DLC1: variants seen among roughly 807,000 people sequenced by gnomAD.
DLC1 encodes the protein DLC1 Rho GTPase activating protein.
DLC1 carries 54 observed loss-of-function variants against 140.3 expected under a neutral mutation model. The ratio of observed to expected loss-of-function variants is 0.38; its 90% CI spans 0.31 to 0.48. DLC1 has a LOEUF of 0.48. DLC1 is among the 20% of genes least tolerant of loss of function. The pLI is 0.96. For missense variants in DLC1, 2,536 were observed against 1,907.0 expected, an observed-to-expected ratio of 1.33 and a Z score of -6.14; for synonymous variants, 986 against 728.1, an observed-to-expected ratio of 1.35 and a Z score of -5.70.
intron 5 of DLC1, among the ~76,000 whole-genome samples, chr8:13,290,582 A>G (rs545549823): frequency 6.6e-6 from 1 of 152,284 alleles, no homozygotes; most frequent in South Asian, 2.1e-4. Context: ...ATTATATAGT[A>G]GGGGAAAAAT....
chr8:13,120,550 G>T (rs993578273), intron 5 of DLC1, among the ~76,000 whole-genome samples: 5 of 151,392 alleles, frequency 3.3e-5, no homozygotes, highest in Non-Finnish European at 7.4e-5. Context: ...AATGTATGTG[G>T]GTGGTGATGT....
chr8:13,441,762 A>G (rs1798520045), intron 2 of DLC1, among the ~76,000 whole-genome samples: 1 of 152,170 alleles, frequency 6.6e-6, no homozygotes, highest in Non-Finnish European at 1.5e-5. Context: ...AGGAATCAAT[A>G]TCGTGAACAT....
chr8:13,286,090 A>G (rs1025143183), intron 5 of DLC1, among the ~76,000 whole-genome samples: 1 of 152,242 alleles, frequency 6.6e-6, no homozygotes. Context: ...AAACAATCCA[A>G]TTGAAAAATC....
At chr8:13,128,768 G>A (rs1256017289) in intron 5 of DLC1, among the ~76,000 whole-genome samples, 3 of 151,800 alleles carry the variant, frequency 2.0e-5, no homozygotes, top group Non-Finnish European at 2.9e-5. Flanking sequence ...CCGGGAGGCG[G>A]AGCTTGCAGT....
At chr8:13,276,667 T>G in intron 5 of DLC1, 1 of 1,075,956 alleles carries the variant, frequency 9.3e-7, no homozygotes, top group Non-Finnish European at 1.1e-6. Flanking sequence ...CGGAGGCGTC[T>G]CGCTTCCTGT....
intron 2 of DLC1, among the ~76,000 whole-genome samples, chr8:13,460,358 T>C (rs1799604033): frequency 6.6e-6 from 1 of 152,228 alleles, no homozygotes; most frequent in Admixed American, 6.5e-5. Context: ...ATTGACTGTC[T>C]TACTAAAAGA....
chr8:13,375,434 T>C (rs946807075), intron 4 of DLC1, among the ~76,000 whole-genome samples: 1 of 152,218 alleles, frequency 6.6e-6, no homozygotes, highest in Non-Finnish European at 1.5e-5. Flanking sequence ...TTTCTAGATA[T>C]ACAATCATGT....
chr8:13,485,660 A>C (rs536505900), intron 2 of DLC1, among the ~76,000 whole-genome samples: 8 of 152,190 alleles, frequency 5.3e-5, no homozygotes, highest in Non-Finnish European at 1.0e-4. Context: ...TAGAAATTAA[A>C]TCTCGTAATC....
In DLC1 at chr8:13,100,554, G is replaced by C. The variant is rs749705851; in HGVS notation, c.1783C>G (p.Arg595Gly). The change falls in exon 9 of 18, where the codon CGC becomes GGC. Residue 595 changes from arginine to glycine, a missense_variant. By Grantham distance (125) the Arg-to-Gly change is moderately radical. Transcript: ENST00000276297. ...LSERQEVSSVRSLSSTGSLPS... is the reference protein window; with the variant it reads ...LSERQEVSSVGSLSSTGSLPS... ...AGGCTGCCAGTGCTGCTGAGGCTGC[G>C]GACGGAAGACACCTCCTGGCGCTCG... 7.4e-6 allele frequency: 12 copies of C among 1,613,260 alleles called. No homozygotes were observed. The highest frequency in any genetic ancestry group is 1.7e-4 in the Middle Eastern group (1 of 6,038).
chr8:13,350,757 A>G (rs1834619790), intron 4 of DLC1, among the ~76,000 whole-genome samples: 1 of 152,138 alleles, frequency 6.6e-6, no homozygotes, highest in Non-Finnish European at 1.5e-5. Flanking sequence ...AAACACCAGA[A>G]GGTTTGTTTC....
chr8:13,296,198 C>G (rs1324919069), intron 5 of DLC1, among the ~76,000 whole-genome samples: 1 of 151,810 alleles, frequency 6.6e-6, no homozygotes, highest in Non-Finnish European at 1.5e-5. Flanking sequence ...TCAAGTGATT[C>G]GCTCACCTCG....
intron 1 of DLC1, among the ~76,000 whole-genome samples, chr8:13,507,601 T>C (rs1802155491): frequency 6.6e-6 from 1 of 152,200 alleles, no homozygotes. Flanking sequence ...ACAAAATCAT[T>C]ATTCCTCTAC....
intron 4 of DLC1, among the ~76,000 whole-genome samples, chr8:13,316,989 C>G (rs1832885039): frequency 1.3e-5 from 2 of 152,050 alleles, no homozygotes; most frequent in Non-Finnish European, 2.9e-5. Context: ...TCTCCCCAGT[C>G]TCTTCCTATG....
intron 2 of DLC1, among the ~76,000 whole-genome samples, chr8:13,417,013 C>T (rs1291625492): frequency 6.6e-6 from 1 of 151,976 alleles, no homozygotes; most frequent in Non-Finnish European, 1.5e-5. Context: ...GTAAATAAGT[C>T]CGAGGATTTC....
At chr8:13,197,427 C>T (rs1438851819) in intron 5 of DLC1, among the ~76,000 whole-genome samples, 2 of 151,918 alleles carry the variant, frequency 1.3e-5, no homozygotes, top group African/African-American at 4.8e-5. Flanking sequence ...CGGCTCACTG[C>T]AAACTCCACC....
intron 9 of DLC1, among the ~76,000 whole-genome samples, chr8:13,098,952 G>A (rs997710567): frequency 6.6e-6 from 1 of 152,046 alleles, no homozygotes; most frequent in African/African-American, 2.4e-5. Context: ...CATTAGCAAT[G>A]GGCTGCTTGC....
intron 1 of DLC1, among the ~76,000 whole-genome samples, chr8:13,511,482 T>G (rs1050075906): frequency 1.3e-5 from 2 of 152,170 alleles, no homozygotes; most frequent in African/African-American, 4.8e-5. Context: ...GCCCATTTAT[T>G]TATCAAAACT....
intron 14 of DLC1, 52 bp downstream of exon 14, chr8:13,091,266 G>C (rs1818045484): frequency 1.3e-6 from 2 of 1,574,034 alleles, no homozygotes; most frequent in African/African-American, 2.7e-5. Flanking sequence ...CTAAGATTTT[G>C]TACCTATTCA....
Position 13,099,933 on chromosome 8 carries a change from G to C in DLC1, c.2404C>G (p.Pro802Ala), listed in dbSNP as rs1389227155. The part of the protein sequence containing the change: ...EQNFKNRESY[P>A]EDTVFYIPED... ...GGGATGTAGAACACCGTGTCCTCTG[G>C]GTAGCTCTCGCGGTTCTTAAAGTTC... The change falls in exon 9 of 18, where the codon CCA (proline) becomes GCA (alanine). Residue 802 changes from proline (P) to alanine (A), a missense_variant. By Grantham distance (27) the Pro-to-Ala change is conservative. Transcript: ENST00000276297. The C allele has an allele frequency of 1.9e-6, 3 of 1,613,708 alleles. No individual in the cohort carries two copies. Among genetic ancestry groups the C allele is most frequent in the Non-Finnish European group, 2.5e-6 (3 of 1,180,022 alleles).
Sources: gnomAD v4.1 joint callset for allele counts (sites outside exome capture counted in the v4.1 genomes callset) on GRCh38, gnomAD v4.1.1 for gene constraint, MANE v1.5 for transcripts, NCBI Gene and HGNC (gene_info 2026-07-23, HGNC 2026-07-21) for gene names.